The following ANKRD33B variants were observed in gnomAD, a reference collection of about 807,000 sequenced individuals.
ANKRD33B encodes ankyrin repeat domain 33B, also known as ankyrin repeat domain-containing protein 33B.
A neutral mutation model predicts 21.5 loss-of-function variants in ANKRD33B; 6 were observed. The ratio of observed to expected loss-of-function variants is 0.28; its 90% confidence interval spans 0.15 to 0.55. The LOEUF (loss-of-function observed/expected upper bound fraction) is 0.55, where lower values mean the gene tolerates loss of function less well. ANKRD33B is among the 20% of genes least tolerant of loss of function. ANKRD33B has a pLI of 0.94. For missense variants in ANKRD33B, 698 were observed against 747.2 expected (o/e 0.93, Z 0.77); for synonymous variants, 347 against 342.4 (o/e 1.01, Z -0.15).
rs1203607193 is a variant in ANKRD33B at position 10,619,807 on chromosome 5, C to A, written c.496+1345C>A. ...CAAGGATACAGAAGTGCAGGGCAGCCCCGTCCTTGAGTAATTCTGCAGCTC... is the reference window on the plus strand; with the variant it reads ...CAAGGATACAGAAGTGCAGGGCAGCACCGTCCTTGAGTAATTCTGCAGCTC... On this transcript the variant is annotated intron_variant, in intron 2 of 3. Coordinates refer to ENST00000296657, the MANE Select transcript of ANKRD33B (RefSeq NM_001164440.2). The surrounding 1 kb of genome is among the most constrained non-coding windows in gnomAD (Gnocchi z 4.5). 2.0e-5 allele frequency among the ~76,000 whole-genome samples: 3 copies of A among 152,134 alleles called. No homozygotes were observed. The highest frequency in any genetic ancestry group is 4.4e-5 in the Non-Finnish European group (3 of 68,034).
intron 1 of ANKRD33B, among the ~76,000 whole-genome samples, chr5:10,570,452 C>G (rs573590800): frequency 1.3e-5 from 2 of 152,268 alleles, no homozygotes; most frequent in South Asian, 4.2e-4. Flanking sequence ...TTTTCCATGG[C>G]AGGGGCAGGG....
intron 2 of ANKRD33B, among the ~76,000 whole-genome samples, chr5:10,626,643 G>A (rs930956364): frequency 2.6e-5 from 4 of 152,130 alleles, no homozygotes; most frequent in Admixed American, 6.5e-5. Context: ...AAATACATTC[G>A]CCTTTTCCTT....
intron 1 of ANKRD33B, among the ~76,000 whole-genome samples, chr5:10,579,627 T>G (rs997661494): frequency 6.6e-6 from 1 of 152,158 alleles, no homozygotes; most frequent in Admixed American, 6.5e-5. Context: ...ATTGATGGGA[T>G]TCTATCTTAT....
intron 1 of ANKRD33B, among the ~76,000 whole-genome samples, chr5:10,565,566 G>A (rs746630240): frequency 6.6e-6 from 1 of 152,262 alleles, no homozygotes; most frequent in Non-Finnish European, 1.5e-5. Flanking sequence ...AGGGCAGGAG[G>A]CGTGGAGGCA....
At chr5:10,635,895 G>T (rs1300517592) in intron 2 of ANKRD33B, among the ~76,000 whole-genome samples, 4 of 152,214 alleles carry the variant, frequency 2.6e-5, no homozygotes, top group African/African-American at 9.6e-5. Context: ...GGCCAAGGGC[G>T]CCCAGCCCTG....
At chr5:10,604,611 C>T (rs1736004233) in intron 1 of ANKRD33B, among the ~76,000 whole-genome samples, 3 of 151,672 alleles carry the variant, frequency 2.0e-5, no homozygotes, top group Non-Finnish European at 4.4e-5. Flanking sequence ...AGCTGAGTTG[C>T]AGAATTAATT....
intron 2 of ANKRD33B, 47 bp downstream of exon 2, chr5:10,618,509 C>T: frequency 1.4e-6 from 2 of 1,478,986 alleles, no homozygotes. Context: ...GGCCAGAGCA[C>T]CGCCGCCGGG....
At position 10,619,211 on chromosome 5, in the gene ANKRD33B, G is replaced by GT. The variant is rs1736357421; in HGVS notation, c.496+752dup. ...TTCTTTGCCTCCAAAGATTCTGTCT[G>GT]TTTCATCGGTCAAGTTCTCAGTTGC... On this transcript the variant is annotated intron_variant, in intron 2 of 3. Coordinates refer to ENST00000296657, the MANE Select transcript of ANKRD33B (RefSeq NM_001164440.2). This position sits in a 1 kb window ranked among gnomAD's most constrained non-coding sequence, Gnocchi z 4.5. 2 of 728,094 alleles carry GT rather than the reference G, an allele frequency of 2.7e-6. No homozygotes were observed. The highest frequency in any genetic ancestry group is 3.8e-5 in the African/African-American group (2 of 52,032). The allele number at this position is 728,094 out of a possible 1,614,324, so 45.1% of individuals were successfully genotyped here.
intron 1 of ANKRD33B, among the ~76,000 whole-genome samples, chr5:10,604,956 T>C (rs1349605401): frequency 6.6e-6 from 1 of 152,228 alleles, no homozygotes; most frequent in African/African-American, 2.4e-5. Flanking sequence ...GGAACCTGGT[T>C]GGGCAGTTCT....
At chr5:10,575,554 G>A (rs977561286) in intron 1 of ANKRD33B, among the ~76,000 whole-genome samples, 2 of 152,122 alleles carry the variant, frequency 1.3e-5, no homozygotes, top group African/African-American at 2.4e-5. Context: ...AATATGACGG[G>A]CAGAGTCCCC....
At chr5:10,583,581 C>G (rs2126554608) in intron 1 of ANKRD33B, among the ~76,000 whole-genome samples, 1 of 152,272 alleles carries the variant, frequency 6.6e-6, no homozygotes, top group Admixed American at 6.5e-5. Flanking sequence ...GGGATAGAGA[C>G]TGAAGGGAGT....
chr5:10,593,827 A>C (rs1735752150), intron 1 of ANKRD33B, among the ~76,000 whole-genome samples: 1 of 146,470 alleles, frequency 6.8e-6, no homozygotes, highest in African/African-American at 2.6e-5. Context: ...TCACCCCCTC[A>C]TGAACCCTCT....
At chr5:10,634,753 G>A (rs1430768176) in intron 2 of ANKRD33B, among the ~76,000 whole-genome samples, 1 of 151,420 alleles carries the variant, frequency 6.6e-6, no homozygotes, top group Non-Finnish European at 1.5e-5. Flanking sequence ...ACTGCACCTG[G>A]CCTCAAACTA....
chr5:10,593,524 C>G (rs1289115790), intron 1 of ANKRD33B, among the ~76,000 whole-genome samples: 3 of 152,126 alleles, frequency 2.0e-5, no homozygotes, highest in Admixed American at 2.0e-4. Flanking sequence ...TACCTCACCT[C>G]TGTCTCAGTC....
At position 10,654,470 on chromosome 5, in the gene ANKRD33B, T is replaced by C. The variant is rs1286232450; in HGVS notation, c.*4357T>C. 6.6e-6 allele frequency: 1 copy of C among 152,362 alleles called. No individual in the cohort carries two copies. Among genetic ancestry groups the C allele is most frequent in the African/African-American group, 2.4e-5 (1 of 41,456 alleles). The allele number at this position is 152,362 out of a possible 1,614,324, so 9.4% of individuals were successfully genotyped here. A position where few individuals can be genotyped will look rare whatever the true frequency, so the allele number is the denominator to read the frequency against. On this transcript the variant is annotated 3_prime_UTR_variant, in exon 4 of 4. Transcript: ENST00000296657. ...ATTTTACTACTTTTTAGTGTTTGAG[T>C]AAATTATGCTTTAACTGGACAGAAG...
rs1737281225 is a variant in ANKRD33B, at chr5:10,649,613, C to G, written c.985C>G (p.Pro329Ala). ...AVAIVCQTVCPESPPSVGKRR... is the reference protein window; with the variant it reads ...AVAIVCQTVCAESPPSVGKRR... ...GGCCATCGTGTGCCAGACCGTGTGCCCTGAGAGCCCTCCGAGCGTGGGGAA... is the reference window on the plus strand; with the variant it reads ...GGCCATCGTGTGCCAGACCGTGTGCGCTGAGAGCCCTCCGAGCGTGGGGAA... Residue 329 changes from proline (P) to alanine (A), a missense_variant, in exon 4 of 4, where the codon CCT becomes GCT. Coordinates refer to ENST00000296657, the MANE Select transcript of ANKRD33B (RefSeq NM_001164440.2). The G allele has an allele frequency of 6.5e-7, 1 of 1,531,090 alleles. No homozygotes were observed. Among genetic ancestry groups the G allele is most frequent in the Non-Finnish European group, 8.7e-7 (1 of 1,144,726 alleles). 94.8% of individuals were successfully genotyped at this position (1,531,090 alleles called of 1,614,324 possible).
chr5:10,611,126 A>T (rs1736162767), intron 1 of ANKRD33B, among the ~76,000 whole-genome samples: 1 of 152,190 alleles, frequency 6.6e-6, no homozygotes, highest in African/African-American at 2.4e-5. Flanking sequence ...AAATCAGAGC[A>T]TACACAGCTG....
intron 1 of ANKRD33B, among the ~76,000 whole-genome samples, chr5:10,573,810 A>G (rs886713830): frequency 6.6e-5 from 10 of 152,204 alleles, no homozygotes; most frequent in African/African-American, 2.4e-4. Flanking sequence ...GTCACCTCCC[A>G]CCAGGCCCCT....
At chr5:10,585,580 T>C (rs1399287768) in intron 1 of ANKRD33B, among the ~76,000 whole-genome samples, 1 of 152,054 alleles carries the variant, frequency 6.6e-6, no homozygotes, top group Non-Finnish European at 1.5e-5. Context: ...ACTTCCTGGG[T>C]GTTTGTGGCT....
Sources: allele counts gnomAD v4.1 joint callset (sites outside exome capture counted in the v4.1 genomes callset), GRCh38; gene constraint gnomAD v4.1.1; non-coding constraint Gnocchi (gnomAD v3.1); transcripts MANE v1.5; gene names NCBI Gene and HGNC (gene_info 2026-07-23, HGNC 2026-07-21).